KRTAP21-2: variants seen among roughly 807,000 people sequenced by gnomAD.
KRTAP21-2 encodes keratin-associated protein 21-2.
For missense variants in KRTAP21-2, 103 were observed against 101.2 expected (o/e 1.02, Z -0.08); for synonymous variants, 38 against 38.6 (o/e 0.98, Z 0.06).
Position 30,747,043 on chromosome 21 carries a change from C to G in KRTAP21-2, c.160G>C (p.Gly54Arg), listed in dbSNP as rs144960846. Residue 54 changes from glycine to arginine, a missense_variant, in exon 1 of 1, where the codon GGC becomes CGC. Gly to Arg is a moderately radical substitution (Grantham distance 125). Coordinates refer to ENST00000333892, the MANE Select transcript of KRTAP21-2 (RefSeq NM_181617.3). ...CCACAGCCATATCCACAGCCAGAGC[C>G]GTATCCACAGCCATAGCCACAGCCA... is the stretch of plus-strand genomic sequence containing the variant. ...GTGCGYGCGY[G>R]SGCGYGCGYS... 1.2e-6 allele frequency: 2 copies of G among 1,613,336 alleles called. No individual in the cohort carries two copies. Among genetic ancestry groups the G allele is most frequent in the Non-Finnish European group, 8.5e-7 (1 of 1,179,590 alleles).
rs748002378 is a variant in KRTAP21-2 at position 30,747,013 on chromosome 21, T to TGTATCCACAGCC, written c.178_189dup (p.Gly60_Tyr63dup). 13 of 1,613,796 alleles carry TGTATCCACAGCC rather than the reference T, an allele frequency of 8.1e-6. No homozygotes were observed. In the African/African-American group the frequency reaches 1.5e-4, roughly 18 times the overall value. Reference sequence around the variant, plus strand: ...GGTCGGTAGCCACAGCAGCTAGAGCTGTATCCACAGCCATATCCACAGCCA... The same window carrying TGTATCCACAGCC: ...GGTCGGTAGCCACAGCAGCTAGAGCTGTATCCACAGCCGTATCCACAGCCATATCCACAGCCA... On this transcript the variant is annotated inframe_insertion, in exon 1 of 1. Transcript: ENST00000333892.
chr21:30,747,148 A>C lies in KRTAP21-2; in HGVS notation c.55T>G (p.Trp19Gly). ...CAACCATATCCACAGCCGGAACTCC[A>C]GCCAGAGCCATATCCACAGCCCCCA... is the stretch of plus-strand genomic sequence containing the variant. ...CCGGCGYGSG[W>G]SSGCGYGCGY... The change falls in exon 1 of 1, where the codon TGG becomes GGG. Residue 19 changes from tryptophan to glycine, a missense_variant. Physicochemically the swap from Trp to Gly is radical, Grantham distance 184. Coordinates refer to ENST00000333892, the MANE Select transcript of KRTAP21-2 (RefSeq NM_181617.3). 6.2e-7 allele frequency: 1 copy of C among 1,614,036 alleles called. No individual in the cohort carries two copies. The highest frequency in any genetic ancestry group is 1.3e-5 in the African/African-American group (1 of 75,034).
Position 30,747,164 on chromosome 21 carries a change from A to G in KRTAP21-2, c.39T>C (p.Cys13=), listed in dbSNP as rs1601134741. 6.2e-7 allele frequency: 1 copy of G among 1,614,000 alleles called. No individual in the cohort carries two copies. Among genetic ancestry groups the G allele is most frequent in the Non-Finnish European group, 8.5e-7 (1 of 1,179,914 alleles). Residue 13 remains cysteine, a synonymous_variant, in exon 1 of 1, where the codon TGT becomes TGC. Transcript: ENST00000333892. ...CNYYRNCCGG[C]GYGSGWSSGC... is the part of the protein sequence containing the mutation. Reference sequence around the variant, plus strand: ...CGGAACTCCAGCCAGAGCCATATCCACAGCCCCCACAGCAGTTTCTGTAGT... The same window carrying G: ...CGGAACTCCAGCCAGAGCCATATCCGCAGCCCCCACAGCAGTTTCTGTAGT...
In KRTAP21-2 at chr21:30,747,165, C is replaced by T; in HGVS notation, c.38G>A (p.Cys13Tyr). ...GGAACTCCAGCCAGAGCCATATCCA[C>T]AGCCCCCACAGCAGTTTCTGTAGTA... ...CNYYRNCCGGCGYGSGWSSGC... is the reference protein window; with the variant it reads ...CNYYRNCCGGYGYGSGWSSGC... The change falls in exon 1 of 1, where the codon TGT becomes TAT. Residue 13 changes from cysteine to tyrosine, a missense_variant. Cys to Tyr is a radical substitution (Grantham distance 194). Coordinates refer to ENST00000333892, the MANE Select transcript of KRTAP21-2 (RefSeq NM_181617.3). 1 of 1,613,928 alleles carries T rather than the reference C, an allele frequency of 6.2e-7. No individual in the cohort carries two copies. The highest frequency in any genetic ancestry group is 1.1e-5 in the South Asian group (1 of 91,072).
Position 30,747,137 on chromosome 21 carries a change from G to T in KRTAP21-2, c.66C>A (p.Gly22=). ...GCGYGSGWSS[G]CGYGCGYGCG... is the part of the protein sequence containing the mutation. The stretch of plus-strand genomic sequence containing the variant: ...AGCCATAGCCACAACCATATCCACA[G>T]CCGGAACTCCAGCCAGAGCCATATC... The change falls in exon 1 of 1, where the codon GGC becomes GGA. Residue 22 remains glycine (G), a synonymous_variant. Coordinates refer to ENST00000333892, the MANE Select transcript of KRTAP21-2 (RefSeq NM_181617.3). 6.2e-7 allele frequency: 1 copy of T among 1,613,748 alleles called. No individual in the cohort carries two copies.
At position 30,746,853 on chromosome 21, in the gene KRTAP21-2, A is replaced by G. The variant is rs58256028; in HGVS notation, c.*98T>C. The G allele has an allele frequency of 5.2e-3, 7,393 of 1,415,188 alleles. 299 individuals carry two copies. In the African/African-American group the frequency reaches 0.088, roughly 17 times the overall value. 87.7% of individuals were successfully genotyped at this position (1,415,188 alleles called of 1,614,324 possible). ...TCAGATAGTCAGGTGACCATAGTCA[A>G]CCTTTACTTAGATGTGAAGATAATG... On this transcript the variant is annotated 3_prime_UTR_variant, in exon 1 of 1. Transcript: ENST00000333892.
Position 30,746,804 on chromosome 21 carries a change from G to A in KRTAP21-2, c.*147C>T. 2.3e-6 allele frequency: 2 copies of A among 855,236 alleles called. No individual in the cohort carries two copies. The highest frequency in any genetic ancestry group is 3.6e-6 in the Non-Finnish European group (2 of 554,132). 53.0% of individuals were successfully genotyped at this position (855,236 alleles called of 1,614,324 possible). ...TGAAACTACTCAGTCTCCATCCACT[G>A]CCAACAGCTTCTCTTATATGCATTC... On this transcript the variant is annotated 3_prime_UTR_variant, in exon 1 of 1. Transcript: ENST00000333892.
At position 30,747,069 on chromosome 21, in the gene KRTAP21-2, G is replaced by T; in HGVS notation, c.134C>A (p.Thr45Asn). The T allele has an allele frequency of 6.2e-7, 1 of 1,613,616 alleles. No homozygotes were observed. Residue 45 changes from threonine (T) to asparagine (N), a missense_variant, in exon 1 of 1, where the codon ACT (threonine) becomes AAT (asparagine). Coordinates refer to ENST00000333892, the MANE Select transcript of KRTAP21-2 (RefSeq NM_181617.3). ...GTATCCACAGCCATAGCCACAGCCA[G>T]TTCCATAGCCAGAGCCATATCTACA... Reference protein sequence around the residue: ...SGCRYGSGYGTGCGYGCGYGS... With the variant: ...SGCRYGSGYGNGCGYGCGYGS...
rs1293578632 is a variant in KRTAP21-2, at chr21:30,747,143, A to G, written c.60T>C (p.Ser20=). ...CGGCGYGSGW[S]SGCGYGCGYG... The stretch of plus-strand genomic sequence containing the variant: ...AGCCACAACCATATCCACAGCCGGA[A>G]CTCCAGCCAGAGCCATATCCACAGC... The change falls in exon 1 of 1, where the codon AGT becomes AGC. Residue 20 remains serine, a synonymous_variant. Transcript: ENST00000333892. The G allele has an allele frequency of 6.2e-7, 1 of 1,613,536 alleles. No individual in the cohort carries two copies. Among genetic ancestry groups the G allele is most frequent in the Admixed American group, 1.7e-5 (1 of 59,910 alleles).
rs1438575726 is a variant in KRTAP21-2, at chr21:30,747,220, T to C, written c.-18A>G. 1 of 1,609,150 alleles carries C rather than the reference T, an allele frequency of 6.2e-7. No individual in the cohort carries two copies. Among genetic ancestry groups the C allele is most frequent in the East Asian group, 2.2e-5 (1 of 44,778 alleles). ...CAACACATGATTTCAGGAGGTTAGA[T>C]TTCAGTTGAGGTGTAGGAGGATATT... On this transcript the variant is annotated 5_prime_UTR_variant, in exon 1 of 1. Transcript: ENST00000333892.
At chr21:30,747,104 G>C in the KRTAP21-2 span, 1 of 1,613,508 alleles carries the variant, frequency 6.2e-7, no homozygotes, top group South Asian at 1.1e-5. Context: ...AGCCAGAGCC[G>C]TATCCACAGC....
In KRTAP21-2 at chr21:30,746,960, A is replaced by G. The variant is rs1468667041; in HGVS notation, c.243T>C (p.Ser81=). 26 of 1,612,694 alleles carry G rather than the reference A, an allele frequency of 1.6e-5. No individual in the cohort carries two copies. Among genetic ancestry groups the G allele is most frequent in the Non-Finnish European group, 2.1e-5 (25 of 1,178,946 alleles). Residue 81 remains serine (S), a synonymous_variant, in exon 1 of 1, where the codon TCT becomes TCC. Coordinates refer to ENST00000333892, the MANE Select transcript of KRTAP21-2 (RefSeq NM_181617.3). The part of the protein sequence containing the change: ...RPLCYRRCYS[S]CY ...TGACCTGTAGTGATGATTAGTAGCA[A>G]GAGGAATAGCATCTTCTGTAGCAAA...
Position 30,747,043 on chromosome 21 carries a change from C to T in KRTAP21-2, c.160G>A (p.Gly54Ser), listed in dbSNP as rs144960846. The T allele has an allele frequency of 7.4e-6, 12 of 1,613,218 alleles. No individual in the cohort carries two copies. The East Asian group carries it at 1.6e-4, about 21-fold the overall frequency. ...CCACAGCCATATCCACAGCCAGAGC[C>T]GTATCCACAGCCATAGCCACAGCCA... ...GTGCGYGCGY[G>S]SGCGYGCGYS... The change falls in exon 1 of 1, where the codon GGC becomes AGC. Residue 54 changes from glycine to serine, a missense_variant. Coordinates refer to ENST00000333892, the MANE Select transcript of KRTAP21-2 (RefSeq NM_181617.3).
Position 30,747,150 on chromosome 21 carries a change from C to T in KRTAP21-2, c.53G>A (p.Gly18Asp). ...NCCGGCGYGS[G>D]WSSGCGYGCG... ...ACCATATCCACAGCCGGAACTCCAGCCAGAGCCATATCCACAGCCCCCACA... is the reference window on the plus strand; with the variant it reads ...ACCATATCCACAGCCGGAACTCCAGTCAGAGCCATATCCACAGCCCCCACA... Residue 18 changes from glycine (G) to aspartate (D), a missense_variant, in exon 1 of 1, where the codon GGC (glycine) becomes GAC (aspartate). Transcript: ENST00000333892. 1 of 1,614,020 alleles carries T rather than the reference C, an allele frequency of 6.2e-7. No homozygotes were observed. Among genetic ancestry groups the T allele is most frequent in the Admixed American group, 1.7e-5 (1 of 59,978 alleles).
At position 30,747,005 on chromosome 21, in the gene KRTAP21-2, G is replaced by A. The variant is rs147370832; in HGVS notation, c.198C>T (p.Ser66=). ...GCGYGCGYSS[S]CCGYRPLCYR... is the part of the protein sequence containing the mutation. Reference sequence around the variant, plus strand: ...AGCAAAGTGGTCGGTAGCCACAGCAGCTAGAGCTGTATCCACAGCCATATC... The same window carrying A: ...AGCAAAGTGGTCGGTAGCCACAGCAACTAGAGCTGTATCCACAGCCATATC... The change falls in exon 1 of 1, where the codon AGC becomes AGT. Residue 66 remains serine, a synonymous_variant. Transcript: ENST00000333892. 3.1e-4 allele frequency: 504 copies of A among 1,614,060 alleles called. 3 individuals carry two copies. The African/African-American group carries it at 5.6e-3, about 18-fold the overall frequency.
rs750056609 is a variant in KRTAP21-2, at chr21:30,746,961, G to C, written c.242C>G (p.Ser81Cys). 6.2e-7 allele frequency: 1 copy of C among 1,613,070 alleles called. No homozygotes were observed. Among genetic ancestry groups the C allele is most frequent in the South Asian group, 1.1e-5 (1 of 91,050 alleles). ...RPLCYRRCYS[S>C]CY The stretch of plus-strand genomic sequence containing the variant: ...GACCTGTAGTGATGATTAGTAGCAA[G>C]AGGAATAGCATCTTCTGTAGCAAAG... The change falls in exon 1 of 1, where the codon TCT becomes TGT. Residue 81 changes from serine to cysteine, a missense_variant. Ser to Cys is a moderately radical substitution (Grantham distance 112). Transcript: ENST00000333892.
rs769302871 is a variant in KRTAP21-2, at chr21:30,747,050, A to G, written c.153T>C (p.Cys51=). The part of the protein sequence containing the change: ...SGYGTGCGYG[C]GYGSGCGYGC... ...CATATCCACAGCCAGAGCCGTATCC[A>G]CAGCCATAGCCACAGCCAGTTCCAT... Residue 51 remains cysteine (C), a synonymous_variant, in exon 1 of 1, where the codon TGT becomes TGC. Coordinates refer to ENST00000333892, the MANE Select transcript of KRTAP21-2 (RefSeq NM_181617.3). 3 of 1,613,978 alleles carry G rather than the reference A, an allele frequency of 1.9e-6. No individual in the cohort carries two copies. The highest frequency in any genetic ancestry group is 3.3e-5 in the Admixed American group (2 of 59,980).
chr21:30,747,052 A>G lies in KRTAP21-2; in HGVS notation c.151T>C (p.Cys51Arg). 1 of 1,613,984 alleles carries G rather than the reference A, an allele frequency of 6.2e-7. No homozygotes were observed. Among genetic ancestry groups the G allele is most frequent in the Non-Finnish European group, 8.5e-7 (1 of 1,179,980 alleles). ...TATCCACAGCCAGAGCCGTATCCAC[A>G]GCCATAGCCACAGCCAGTTCCATAG... Reference protein sequence around the residue: ...SGYGTGCGYGCGYGSGCGYGC... With the variant: ...SGYGTGCGYGRGYGSGCGYGC... Residue 51 changes from cysteine to arginine, a missense_variant, in exon 1 of 1, where the codon TGT becomes CGT. By Grantham distance (180) the Cys-to-Arg change is radical (BLOSUM62 -3). Coordinates refer to ENST00000333892, the MANE Select transcript of KRTAP21-2 (RefSeq NM_181617.3).
chr21:30,747,031 C>T lies in KRTAP21-2; in HGVS notation c.172G>A (p.Gly58Arg). The change falls in exon 1 of 1, where the codon GGA (glycine) becomes AGA (arginine). Residue 58 changes from glycine (G) to arginine (R), a missense_variant. By Grantham distance (125) the Gly-to-Arg change is moderately radical (BLOSUM62 -2). Coordinates refer to ENST00000333892, the MANE Select transcript of KRTAP21-2 (RefSeq NM_181617.3). The part of the protein sequence containing the change: ...GYGCGYGSGC[G>R]YGCGYSSSCC... The stretch of plus-strand genomic sequence containing the variant: ...CTAGAGCTGTATCCACAGCCATATC[C>T]ACAGCCAGAGCCGTATCCACAGCCA... The T allele has an allele frequency of 6.2e-7, 1 of 1,613,456 alleles. No homozygotes were observed. The highest frequency in any genetic ancestry group is 8.5e-7 in the Non-Finnish European group (1 of 1,179,602).
Sources: allele counts gnomAD v4.1 joint callset, GRCh38; gene constraint gnomAD v4.1.1; transcripts MANE v1.5; gene names NCBI Gene and HGNC (gene_info 2026-07-23, HGNC 2026-07-21).